PRELID2: variants seen among roughly 807,000 people sequenced by gnomAD.
PRELID2 encodes the protein PRELI domain containing 2.
PRELID2 carries 25 observed loss-of-function variants against 28.4 expected under a neutral mutation model. That is an observed-to-expected ratio of 0.88 (90% CI 0.64 to 1.23). The LOEUF (loss-of-function observed/expected upper bound fraction) is 1.23. Among genes scored for constraint, PRELID2 ranks in the 50% most tolerant of loss-of-function variants. PRELID2 has a pLI of 0.00. For missense variants in PRELID2, 201 were observed against 214.4 expected, an observed-to-expected ratio of 0.94 and a Z score of 0.39; for synonymous variants, 76 against 71.6, an observed-to-expected ratio of 1.06 and a Z score of -0.31.
intron 1 of PRELID2, among the ~76,000 whole-genome samples, chr5:145,512,326 C>T (rs1353504511): frequency 6.6e-6 from 1 of 152,070 alleles, no homozygotes; most frequent in African/African-American, 2.4e-5. Context: ...GGTGGGGAGT[C>T]GCCTCACTTG....
chr5:145,613,507 AT>A (rs1027128392), intron 1 of PRELID2, among the ~76,000 whole-genome samples: 5 of 130,800 alleles, frequency 3.8e-5, no homozygotes, highest in African/African-American at 1.2e-4. Flanking sequence ...AAGTGTTCTC[AT>A]TGTTCCTTGA....
chr5:145,596,179 A>C (rs1336871715), intron 1 of PRELID2, among the ~76,000 whole-genome samples: 2 of 151,940 alleles, frequency 1.3e-5, no homozygotes, highest in Non-Finnish European at 2.9e-5. Flanking sequence ...GAAAGAAAGA[A>C]GAAATGGAAG....
At chr5:145,432,964 C>G in the PRELID2 span, among the ~76,000 whole-genome samples, 1 of 152,118 alleles carries the variant, frequency 6.6e-6, no homozygotes, top group East Asian at 1.9e-4. Context: ...AAATATCCAG[C>G]TTTAATGCTA....
the PRELID2 span, among the ~76,000 whole-genome samples, chr5:145,235,890 C>G: frequency 6.6e-6 from 1 of 152,106 alleles, no homozygotes; most frequent in East Asian, 1.9e-4. Context: ...TGTTTAGAAA[C>G]TAAACAGGAG....
the PRELID2 span, among the ~76,000 whole-genome samples, chr5:145,410,834 T>A: frequency 2.0e-5 from 3 of 152,102 alleles, no homozygotes; most frequent in Non-Finnish European, 4.4e-5. Context: ...TTTTCAACCA[T>A]CTCTGAAAGT....
At chr5:145,362,318 A>G in the PRELID2 span, among the ~76,000 whole-genome samples, 3 of 152,254 alleles carry the variant, frequency 2.0e-5, no homozygotes, top group East Asian at 5.8e-4. Context: ...CCTGGCCTTC[A>G]GGTTTCATCT....
intron 1 of PRELID2, among the ~76,000 whole-genome samples, chr5:145,631,234 A>G (rs906253368): frequency 1.3e-5 from 2 of 152,182 alleles, no homozygotes; most frequent in Non-Finnish European, 2.9e-5. Context: ...CACACAACAA[A>G]GTCTCTTCTA....
At chr5:145,446,818 A>G in the PRELID2 span, among the ~76,000 whole-genome samples, 1,182 of 152,146 alleles carry the variant, frequency 7.8e-3, 11 homozygotes, top group African/African-American at 0.027. Flanking sequence ...AGGCTGAGGC[A>G]AGTGGATCAC....
At chr5:145,348,856 T>G in the PRELID2 span, among the ~76,000 whole-genome samples, 1 of 152,166 alleles carries the variant, frequency 6.6e-6, no homozygotes. Context: ...AATGGAGAGA[T>G]ATCATTGTAC....
intron 1 of PRELID2, among the ~76,000 whole-genome samples, chr5:145,688,466 C>T (rs370949971): frequency 6.6e-6 from 1 of 152,186 alleles, no homozygotes; most frequent in African/African-American, 2.4e-5. Context: ...CTAGGCATTG[C>T]TCTCAAGCAG....
rs747389980 is a variant in PRELID2 at position 145,651,277 on chromosome 5, AGCCCACTGCAGGTCAAGGAG to A, written n.70+113634_70+113653del. ...CAGCCTGGAAGCTCGAACTGGGTGG[AGCCCACTGCAGGTCAAGGAG>A]GCCTGCCTGCCTCTGTAGACTCCAC... On this transcript the variant is annotated intron_variant and non_coding_transcript_variant, in intron 1 of 2. Transcript: ENST00000510259. Among the ~76,000 whole-genome samples the A allele has an allele frequency of 1.6e-4, 25 of 152,290 alleles. No individual in the cohort carries two copies. In the East Asian group the frequency reaches 2.3e-3, roughly 14 times the overall value.
chr5:145,463,668 G>A, the PRELID2 span, among the ~76,000 whole-genome samples: 6 of 152,216 alleles, frequency 3.9e-5, 1 homozygote, highest in African/African-American at 1.4e-4. Context: ...CTGTCATAGA[G>A]ACAATAGCAA....
intron 4 of PRELID2, among the ~76,000 whole-genome samples, chr5:145,807,993 T>C (rs1250545684): frequency 1.3e-5 from 2 of 152,074 alleles, no homozygotes; most frequent in Admixed American, 6.5e-5. Flanking sequence ...AAGCCAAAAA[T>C]AAAGCTCCAG....
intron 1 of PRELID2, among the ~76,000 whole-genome samples, chr5:145,551,659 A>G (rs989781646): frequency 6.6e-6 from 1 of 152,188 alleles, no homozygotes; most frequent in African/African-American, 2.4e-5. Context: ...GAGAGAAATG[A>G]TTACCCACTG....
intron 1 of PRELID2, among the ~76,000 whole-genome samples, chr5:145,623,381 G>A (rs542419590): frequency 6.6e-6 from 1 of 151,978 alleles, no homozygotes; most frequent in South Asian, 2.1e-4. Flanking sequence ...CCAGGAGGCA[G>A]AGGTTGCAGT....
the PRELID2 span, among the ~76,000 whole-genome samples, chr5:145,414,787 C>T: frequency 6.6e-6 from 1 of 152,196 alleles, no homozygotes; most frequent in African/African-American, 2.4e-5. Flanking sequence ...GGCATCTCAG[C>T]ACTCAATACC....
chr5:145,577,270 A>G (rs1245115584), intron 1 of PRELID2, among the ~76,000 whole-genome samples: 2 of 152,196 alleles, frequency 1.3e-5, no homozygotes, highest in Non-Finnish European at 2.9e-5. Flanking sequence ...AGAAATGGAG[A>G]TGCATGAACT....
At chr5:145,810,136 C>T (rs1753827925) in intron 4 of PRELID2, among the ~76,000 whole-genome samples, 1 of 152,180 alleles carries the variant, frequency 6.6e-6, no homozygotes, top group South Asian at 2.1e-4. Context: ...ACTTCAGTCT[C>T]CATTTTCCAA....
the PRELID2 span, among the ~76,000 whole-genome samples, chr5:145,360,741 G>A: frequency 2.0e-5 from 3 of 152,088 alleles, no homozygotes; most frequent in Non-Finnish European, 2.9e-5. Flanking sequence ...TTGATATGGA[G>A]TTATAATAAT....
Sources: allele counts gnomAD v4.1 joint callset (sites outside exome capture counted in the v4.1 genomes callset), GRCh38; gene constraint gnomAD v4.1.1; transcripts MANE v1.5; gene names NCBI Gene and HGNC (gene_info 2026-07-23, HGNC 2026-07-21).